The following TBXAS1 variants were observed in gnomAD, a reference collection of about 807,000 sequenced individuals.
TBXAS1 encodes thromboxane-A synthase.
A neutral mutation model predicts 60.7 loss-of-function variants in TBXAS1; 48 were observed. The ratio of observed to expected loss-of-function variants is 0.79; its 90% CI spans 0.63 to 1.01. The LOEUF (loss-of-function observed/expected upper bound fraction) is 1.01, where lower values mean the gene tolerates loss of function less well. TBXAS1 is among the 50% of genes least tolerant of loss of function. The probability of loss-of-function intolerance (pLI) is 0.00; values close to 1 mark genes in which losing one functional copy is unlikely to be tolerated. For missense variants in TBXAS1, 685 were observed against 686.3 expected (o/e 1.00, Z 0.02); for synonymous variants, 287 against 269.7 (o/e 1.06, Z -0.63).
chr7:139,785,039 C>G (rs548868314), intron 3 of TBXAS1, among the ~76,000 whole-genome samples: 18 of 152,286 alleles, frequency 1.2e-4, no homozygotes, highest in Admixed American at 5.2e-4. Flanking sequence ...TCAGGAATCT[C>G]TGGGGGTGGC....
In TBXAS1 at chr7:139,984,772, G is replaced by GA. The variant is rs1368904085; in HGVS notation, c.1135-22316dup. On this transcript the variant is annotated intron_variant, in intron 9 of 12. Coordinates refer to ENST00000448866, the MANE Select transcript of TBXAS1 (RefSeq NM_001061.7). The stretch of plus-strand genomic sequence containing the variant: ...GAAAAGAAAGAAAGAAAGCAGGAAA[G>GA]AAAGAAAGAAAAGAAAGAAAGAAAG... 5.9e-3 allele frequency among the ~76,000 whole-genome samples: 261 copies of GA among 44,228 alleles called. 3 individuals are homozygous for GA. In the Middle Eastern group the frequency reaches 0.065, roughly 11 times the overall value. The allele number at this position is 44,228 out of a possible 152,430, so 29.0% of individuals were successfully genotyped here. A position where few individuals can be genotyped will look rare whatever the true frequency, so the allele number is the denominator to read the frequency against.
rs185779600 is a variant in TBXAS1, at chr7:139,781,406, A to G, written c.-233+582A>G. On this transcript the variant is annotated intron_variant, in intron 2 of 16. Transcript: ENST00000336425. ...CCTGGGGAGTACCAGTATTTGAGAC[A>G]TGGGAAGAGGAAAAAGAGCTCCCCA... Among the ~76,000 whole-genome samples the G allele has an allele frequency of 3.9e-5, 6 of 152,310 alleles. No homozygotes were observed. The East Asian group carries it at 5.8e-4, about 15-fold the overall frequency.
rs980171168 is a variant in TBXAS1 at position 139,957,627 on chromosome 7, T to C, written c.689-7T>C. The C allele has an allele frequency of 8.1e-6, 13 of 1,614,048 alleles. No homozygotes were observed. In the Admixed American group the frequency reaches 1.2e-4, roughly 14 times the overall value. ...TTTCAATGCCACTTTTGTTTTTCTCTTTCAAGTATCATTTCCATCCATAAT... is the reference window on the plus strand; with the variant it reads ...TTTCAATGCCACTTTTGTTTTTCTCCTTCAAGTATCATTTCCATCCATAAT... On this transcript the variant is annotated splice_polypyrimidine_tract_variant and splice_region_variant and intron_variant, in intron 7 of 12. Transcript: ENST00000448866.
At chr7:139,789,198 A>G (rs1797297575) in intron 4 of TBXAS1, 1 of 150,824 alleles carries the variant, frequency 6.6e-6, no homozygotes, top group Non-Finnish European at 1.5e-5. Flanking sequence ...ATGCTTATAC[A>G]TTTAATATGT....
intron 9 of TBXAS1, among the ~76,000 whole-genome samples, chr7:139,981,406 A>G (rs2117511623): frequency 6.6e-6 from 1 of 152,330 alleles, no homozygotes; most frequent in East Asian, 1.9e-4. Flanking sequence ...ATGAGCCACC[A>G]TGCCCGGCCA....
At chr7:139,849,126 G>A (rs1180565657) in intron 1 of TBXAS1, among the ~76,000 whole-genome samples, 1 of 151,988 alleles carries the variant, frequency 6.6e-6, no homozygotes, top group Non-Finnish European at 1.5e-5. Flanking sequence ...CTTTTGGGAG[G>A]CTCACTTTGG....
intron 1 of TBXAS1, among the ~76,000 whole-genome samples, chr7:139,853,846 A>C (rs1457007919): frequency 6.6e-6 from 1 of 152,148 alleles, no homozygotes; most frequent in Non-Finnish European, 1.5e-5. Context: ...TACAAATAAT[A>C]CATTGTGTTC....
intron 9 of TBXAS1, among the ~76,000 whole-genome samples, chr7:139,996,140 T>C (rs1264163754): frequency 2.0e-5 from 3 of 151,986 alleles, no homozygotes; most frequent in African/African-American, 4.8e-5. Flanking sequence ...GGCATTTTTT[T>C]TTTTTTTTTA....
intron 4 of TBXAS1, among the ~76,000 whole-genome samples, chr7:139,816,457 T>C (rs1210062971): frequency 1.3e-5 from 2 of 152,192 alleles, no homozygotes; most frequent in East Asian, 3.9e-4. Context: ...CATCTTTGAA[T>C]CTAATGTGTA....
Position 140,007,189 on chromosome 7 carries a change from G to C in TBXAS1, c.1226+7G>C. 6.2e-7 allele frequency: 1 copy of C among 1,613,940 alleles called. No individual in the cohort carries two copies. Among genetic ancestry groups the C allele is most frequent in the South Asian group, 1.1e-5 (1 of 91,080 alleles). ...TGTACCCGCCAGCTTTCAGGTGTGT[G>C]GTAGCCCCCTCCCCTGCCCGAGTCC... On this transcript the variant is annotated splice_region_variant and intron_variant, in intron 10 of 12. Coordinates refer to ENST00000448866, the MANE Select transcript of TBXAS1 (RefSeq NM_001061.7).
At chr7:139,865,864 A>AAGGAAGGAGGGAGGGAGGGAAGG (rs1801375312) in intron 1 of TBXAS1, among the ~76,000 whole-genome samples, 1 of 95,088 alleles carries the variant, frequency 1.1e-5, no homozygotes, top group East Asian at 3.5e-4. Context: ...GGGAGGGAGG[A>AAGGAAGGAGGGAGGGAGGGAAGG]AGGAAGGAGG....
intron 1 of TBXAS1, among the ~76,000 whole-genome samples, chr7:139,833,118 A>T (rs1049327757): frequency 6.6e-6 from 1 of 152,226 alleles, no homozygotes; most frequent in Non-Finnish European, 1.5e-5. Flanking sequence ...AAAGAGCCCA[A>T]TGAATGCAAT....
chr7:139,990,651 G>A (rs1344647048), intron 9 of TBXAS1, among the ~76,000 whole-genome samples: 2 of 151,966 alleles, frequency 1.3e-5, no homozygotes, highest in Non-Finnish European at 2.9e-5. Flanking sequence ...TCTCGGGGCC[G>A]CTCTGGTGGC....
intron 3 of TBXAS1, among the ~76,000 whole-genome samples, chr7:139,884,262 A>C (rs938558444): frequency 3.9e-5 from 6 of 152,236 alleles, no homozygotes; most frequent in Non-Finnish European, 7.3e-5. Context: ...TTGTTCTTTA[A>C]AATCACAAGT....
At chr7:139,935,181 C>T (rs1807653373) in intron 4 of TBXAS1, among the ~76,000 whole-genome samples, 1 of 152,158 alleles carries the variant, frequency 6.6e-6, no homozygotes, top group Non-Finnish European at 1.5e-5. Context: ...GGATAGGTTC[C>T]GGGACCCACC....
Position 139,896,279 on chromosome 7 carries a change from C to T in TBXAS1, c.237-14946C>T, listed in dbSNP as rs959697168. Among the ~76,000 whole-genome samples, 3 of 152,070 alleles carry T rather than the reference C, an allele frequency of 2.0e-5. No homozygotes were observed. The highest frequency in any genetic ancestry group is 2.9e-5 in the Non-Finnish European group (2 of 68,014). On this transcript the variant is annotated intron_variant, in intron 3 of 12. Transcript: ENST00000448866. The surrounding 1 kb of genome is among the most constrained non-coding windows in gnomAD (Gnocchi z 4.0). ...CAGGTGCCACAGAAACTACAAGGAG[C>T]GAAGGGTCCATGAAGCCTTCACAAA...
At chr7:139,838,071 G>A (rs7801524) in intron 1 of TBXAS1, among the ~76,000 whole-genome samples, 14,364 of 152,142 alleles carry the variant, frequency 0.094, 792 homozygotes, top group Non-Finnish European at 0.13. Context: ...GCCCCCTGTC[G>A]CTCTCTCCCC....
At chr7:139,845,999 A>AT (rs1458293252) in intron 1 of TBXAS1, among the ~76,000 whole-genome samples, 2 of 150,732 alleles carry the variant, frequency 1.3e-5, no homozygotes, top group African/African-American at 4.9e-5. Context: ...TATTTTTTGT[A>AT]TTTTTTTGTA....
chr7:140,011,520 T>G (rs1275932155), intron 10 of TBXAS1, among the ~76,000 whole-genome samples: 1 of 152,202 alleles, frequency 6.6e-6, no homozygotes, highest in East Asian at 1.9e-4. Context: ...ATGAACAATC[T>G]GATCAAATAT....
Sources: allele counts gnomAD v4.1 joint callset (sites outside exome capture counted in the v4.1 genomes callset), GRCh38; gene constraint gnomAD v4.1.1; non-coding constraint Gnocchi (gnomAD v3.1); transcripts MANE v1.5; gene names NCBI Gene and HGNC (gene_info 2026-07-23, HGNC 2026-07-21).